RGPD6: variants seen among roughly 807,000 people sequenced by gnomAD.
RGPD6 encodes the protein RANBP2 like and GRIP domain containing 6.
chr2:110,593,014 G>A, the RGPD6 span, among the ~76,000 whole-genome samples: 8 of 146,322 alleles, frequency 5.5e-5, no homozygotes, highest in Admixed American at 6.9e-5. Flanking sequence ...GCTACTAAAC[G>A]TTCTTAACAA....
chr2:110,608,250 GT>G, the RGPD6 span, among the ~76,000 whole-genome samples: 1 of 141,892 alleles, frequency 7.0e-6, no homozygotes, highest in South Asian at 2.4e-4. Flanking sequence ...AATAATACGT[GT>G]TCAGCAAATG....
At chr2:110,606,914 TTCTTG>T in the RGPD6 span, among the ~76,000 whole-genome samples, 2 of 151,740 alleles carry the variant, frequency 1.3e-5, no homozygotes, top group African/African-American at 2.4e-5. Context: ...TTCATGTGTG[TTCTTG>T]TCTTAATTTC....
At chr2:110,593,068 C>G in the RGPD6 span, among the ~76,000 whole-genome samples, 1 of 147,966 alleles carries the variant, frequency 6.8e-6, no homozygotes, top group African/African-American at 2.6e-5. Flanking sequence ...AAGATTTATA[C>G]GGAGAAACAA....
At chr2:110,597,011 C>T in the RGPD6 span, among the ~76,000 whole-genome samples, 4 of 108,502 alleles carry the variant, frequency 3.7e-5, no homozygotes, top group Admixed American at 2.0e-4. Flanking sequence ...AGGAGTCTCG[C>T]GGTGACACCC....
chr2:110,596,139 A>AT, the RGPD6 span, among the ~76,000 whole-genome samples: 29 of 79,318 alleles, frequency 3.7e-4, no homozygotes, highest in South Asian at 1.5e-3. Context: ...AGCCAAGTGG[A>AT]TTTTTTTTAA....
the RGPD6 span, among the ~76,000 whole-genome samples, chr2:110,600,918 C>CG: frequency 1.4e-5 from 2 of 147,154 alleles, no homozygotes; most frequent in Admixed American, 1.4e-4. Context: ...ATCCACAGCC[C>CG]GGGGGCTGGG....
chr2:110,610,611 G>GCGGC, the RGPD6 span, among the ~76,000 whole-genome samples: 1 of 127,066 alleles, frequency 7.9e-6, no homozygotes, highest in Non-Finnish European at 1.7e-5. Flanking sequence ...CACCCCCACG[G>GCGGC]CGGCCGGCCG....
the RGPD6 span, among the ~76,000 whole-genome samples, chr2:110,601,027 C>T: frequency 6.6e-6 from 1 of 152,184 alleles, no homozygotes; most frequent in South Asian, 2.1e-4. Context: ...GAAGGCCTGG[C>T]AAGGAAAGTC....
At chr2:110,606,748 C>CA in the RGPD6 span, among the ~76,000 whole-genome samples, 1 of 150,444 alleles carries the variant, frequency 6.6e-6, no homozygotes, top group Non-Finnish European at 1.5e-5. Context: ...TCAATACCCC[C>CA]ACCCACACCA....
the RGPD6 span, among the ~76,000 whole-genome samples, chr2:110,604,690 AAAATC>A: frequency 1.5e-3 from 224 of 151,570 alleles, 10 homozygotes; most frequent in East Asian, 0.041. Context: ...AATAAAAAAA[AAAATC>A]AAACAGGCAA....
the RGPD6 span, among the ~76,000 whole-genome samples, chr2:110,607,008 C>A: frequency 1.3e-5 from 2 of 151,756 alleles, no homozygotes; most frequent in South Asian, 2.1e-4. Context: ...AGCACAAGGT[C>A]TTCTACTTAA....
chr2:110,610,934 C>T, the RGPD6 span: 1 of 879,370 alleles, frequency 1.1e-6, no homozygotes, highest in Non-Finnish European at 1.4e-6. Context: ...CGCCCCCCGC[C>T]CCCGACTCCG....
the RGPD6 span, among the ~76,000 whole-genome samples, chr2:110,596,513 GT>G: frequency 3.4e-5 from 5 of 146,316 alleles, no homozygotes; most frequent in African/African-American, 1.3e-4. Context: ...TCATGAAGTG[GT>G]TTTATAAATT....
At chr2:110,607,131 C>G in the RGPD6 span, among the ~76,000 whole-genome samples, 145 of 149,872 alleles carry the variant, frequency 9.7e-4, 3 homozygotes, top group African/African-American at 3.5e-3. Flanking sequence ...TGTCTAGCAC[C>G]TAATCAAAAG....
the RGPD6 span, among the ~76,000 whole-genome samples, chr2:110,600,096 C>T: frequency 1.3e-5 from 2 of 151,692 alleles, no homozygotes; most frequent in African/African-American, 4.9e-5. Flanking sequence ...TGCCGCCGCA[C>T]GTGATGATCA....
At chr2:110,591,091 G>A in the RGPD6 span, among the ~76,000 whole-genome samples, 10,718 of 78,438 alleles carry the variant, frequency 0.14, 1 homozygote, top group Middle Eastern at 0.24. Context: ...TATATAGATT[G>A]TCCAATTTCG....
chr2:110,610,703 A>G, the RGPD6 span, among the ~76,000 whole-genome samples: 1 of 142,122 alleles, frequency 7.0e-6, no homozygotes, highest in Admixed American at 6.9e-5. Context: ...AGCGGCCGGC[A>G]CGGGGACTTA....
chr2:110,600,432 CT>C, the RGPD6 span, among the ~76,000 whole-genome samples: 12 of 15,776 alleles, frequency 7.6e-4, no homozygotes, highest in African/African-American at 2.6e-3. Context: ...TCCTCAACCT[CT>C]TTGGCACCAG....
At chr2:110,604,019 T>C in the RGPD6 span, among the ~76,000 whole-genome samples, 4 of 142,642 alleles carry the variant, frequency 2.8e-5, no homozygotes, top group African/African-American at 1.1e-4. Flanking sequence ...CAGTGCCAAA[T>C]GAAGTCATTC....
Sources: allele counts gnomAD v4.1 joint callset (sites outside exome capture counted in the v4.1 genomes callset), GRCh38; gene constraint gnomAD v4.1.1; transcripts MANE v1.5; gene names NCBI Gene and HGNC (gene_info 2026-07-23, HGNC 2026-07-21).